The following SH3RF3 variants were observed in gnomAD, a reference collection of about 807,000 sequenced individuals.
The protein encoded by SH3RF3 is E3 ubiquitin-protein ligase SH3RF3.
SH3RF3 carries 29 observed loss-of-function variants against 66.3 expected under a neutral mutation model. The ratio of observed to expected loss-of-function variants is 0.44; its 90% CI spans 0.33 to 0.60. The LOEUF is 0.60. Among genes scored for constraint, SH3RF3 ranks in the 20% least tolerant of loss-of-function variants. The pLI is 0.04. For missense variants in SH3RF3, 1,194 were observed against 1,190.9 expected, an observed-to-expected ratio of 1.00 and a Z score of -0.04; for synonymous variants, 583 against 532.0, an observed-to-expected ratio of 1.10 and a Z score of -1.32.
At chr2:109,336,320 T>C (rs1682420960) in intron 1 of SH3RF3, among the ~76,000 whole-genome samples, 1 of 152,074 alleles carries the variant, frequency 6.6e-6, no homozygotes, top group African/African-American at 2.4e-5. Context: ...TTAAAATGAG[T>C]TTACAAAGCC....
chr2:109,309,302 T>C (rs1224294512), intron 1 of SH3RF3, among the ~76,000 whole-genome samples: 3 of 149,454 alleles, frequency 2.0e-5, no homozygotes, highest in Admixed American at 6.7e-5. Flanking sequence ...TGAAGTTGCT[T>C]ATCAGCTTAA....
intron 4 of SH3RF3, among the ~76,000 whole-genome samples, chr2:109,417,851 C>T (rs1012377637): frequency 5.3e-5 from 8 of 152,124 alleles, no homozygotes; most frequent in Non-Finnish European, 1.2e-4. Context: ...GGTAGGTGGC[C>T]GGCGGCATGC....
At chr2:109,482,068 A>G (rs1024034414) in intron 8 of SH3RF3, among the ~76,000 whole-genome samples, 20 of 152,356 alleles carry the variant, frequency 1.3e-4, no homozygotes, top group African/African-American at 4.8e-4. Flanking sequence ...ACGATAAGGC[A>G]GTAGAGCCAC....
intron 4 of SH3RF3, among the ~76,000 whole-genome samples, chr2:109,410,809 G>A (rs551783426): frequency 2.4e-4 from 36 of 152,142 alleles, no homozygotes; most frequent in African/African-American, 6.0e-4. Context: ...GCGCGACTTC[G>A]TGGGAGACAG....
At position 109,455,689 on chromosome 2, in the gene SH3RF3, C is replaced by T. The variant is rs188160421; in HGVS notation, c.2148+6200C>T. Among the ~76,000 whole-genome samples the T allele has an allele frequency of 5.9e-3, 903 of 152,318 alleles. 5 individuals are homozygous for T. Among genetic ancestry groups the T allele is most frequent in the Middle Eastern group, 0.014 (4 of 294 alleles). ...TCGCTGGCTTATAAATGTATTTCCT[C>T]TCGAGTGGAGGCACCCTGCAATAGG... On this transcript the variant is annotated intron_variant, in intron 8 of 9. Coordinates refer to ENST00000309415, the MANE Select transcript of SH3RF3 (RefSeq NM_001099289.3).
intron 3 of SH3RF3, among the ~76,000 whole-genome samples, chr2:109,379,411 C>T (rs894545250): frequency 1.3e-5 from 2 of 152,248 alleles, no homozygotes; most frequent in African/African-American, 2.4e-5. Flanking sequence ...CCCGTGGTCC[C>T]ACTCTCCAGG....
chr2:109,246,085 G>C (rs1363653831), intron 1 of SH3RF3, among the ~76,000 whole-genome samples: 1 of 152,194 alleles, frequency 6.6e-6, no homozygotes, highest in Non-Finnish European at 1.5e-5. Context: ...TGATAACATT[G>C]GGCAAGTTAC....
At chr2:109,205,736 G>A (rs1023306557) in intron 1 of SH3RF3, among the ~76,000 whole-genome samples, 2 of 152,206 alleles carry the variant, frequency 1.3e-5, no homozygotes, top group Non-Finnish European at 2.9e-5. Context: ...TTGCTCACTG[G>A]CAGGAAGGCA....
intron 1 of SH3RF3, among the ~76,000 whole-genome samples, chr2:109,238,282 C>T (rs781012298): frequency 6.6e-6 from 1 of 152,010 alleles, no homozygotes; most frequent in Non-Finnish European, 1.5e-5. Context: ...AAGCAGGATA[C>T]CAGATGGCAA....
intron 3 of SH3RF3, among the ~76,000 whole-genome samples, chr2:109,394,846 C>T (rs1047300127): frequency 5.3e-5 from 8 of 152,178 alleles, no homozygotes; most frequent in Admixed American, 1.3e-4. Flanking sequence ...GGCCTGTGCG[C>T]GAGACGAGTC....
intron 8 of SH3RF3, among the ~76,000 whole-genome samples, chr2:109,482,724 C>T (rs918990174): frequency 6.6e-5 from 10 of 152,208 alleles, no homozygotes; most frequent in Non-Finnish European, 1.2e-4. Flanking sequence ...CCTGCACCTC[C>T]GGCTGCTTCC....
intron 3 of SH3RF3, among the ~76,000 whole-genome samples, chr2:109,395,914 T>G (rs1189517436): frequency 6.6e-6 from 1 of 152,152 alleles, no homozygotes; most frequent in Non-Finnish European, 1.5e-5. Flanking sequence ...CTCAAAAGGG[T>G]CACAGGAGGA....
intron 1 of SH3RF3, among the ~76,000 whole-genome samples, chr2:109,215,952 G>T (rs754984317): frequency 1.3e-5 from 2 of 152,236 alleles, no homozygotes; most frequent in Non-Finnish European, 2.9e-5. Context: ...GGCCACGTGA[G>T]CTGGGTGCCC....
At chr2:109,210,030 T>C (rs2105102655) in intron 1 of SH3RF3, among the ~76,000 whole-genome samples, 1 of 152,342 alleles carries the variant, frequency 6.6e-6, no homozygotes, top group Middle Eastern at 3.4e-3. Flanking sequence ...TGAATGACTA[T>C]TCTAGGGACC....
chr2:109,451,712 G>A (rs1022427382), intron 8 of SH3RF3, among the ~76,000 whole-genome samples: 1 of 152,250 alleles, frequency 6.6e-6, no homozygotes, highest in Non-Finnish European at 1.5e-5. Flanking sequence ...GCAAAGAACA[G>A]TTGAGTCCAG....
chr2:109,397,970 A>G (rs1676195556), intron 3 of SH3RF3, among the ~76,000 whole-genome samples: 1 of 152,208 alleles, frequency 6.6e-6, no homozygotes, highest in Admixed American at 6.5e-5. Context: ...ATCACTCAAG[A>G]TGACAGATTA....
At chr2:109,281,522 A>G (rs1680892478) in intron 1 of SH3RF3, among the ~76,000 whole-genome samples, 1 of 152,186 alleles carries the variant, frequency 6.6e-6, no homozygotes, top group African/African-American at 2.4e-5. Context: ...GCTGGTCCTC[A>G]GCAGAGCATG....
At chr2:109,203,779 C>T (rs1678741889) in intron 1 of SH3RF3, among the ~76,000 whole-genome samples, 1 of 152,144 alleles carries the variant, frequency 6.6e-6, no homozygotes, top group Non-Finnish European at 1.5e-5. Flanking sequence ...ACCCTCGGTC[C>T]ATCCATTCCT....
chr2:109,306,195 C>T (rs1013193900), intron 1 of SH3RF3, among the ~76,000 whole-genome samples: 9 of 152,178 alleles, frequency 5.9e-5, no homozygotes, highest in Non-Finnish European at 1.2e-4. Context: ...CAGAGCAGAC[C>T]GTCTTTCAGA....
Sources: allele counts gnomAD v4.1 joint callset (sites outside exome capture counted in the v4.1 genomes callset), GRCh38; gene constraint gnomAD v4.1.1; transcripts MANE v1.5; gene names NCBI Gene and HGNC (gene_info 2026-07-23, HGNC 2026-07-21).